Variants in PDGFC observed in about 807,000 individuals in gnomAD.
PDGFC encodes platelet-derived growth factor C.
PDGFC carries 12 observed loss-of-function variants against 35.5 expected under a neutral mutation model. That is an observed-to-expected ratio of 0.34 (90% CI 0.22 to 0.55). PDGFC has a LOEUF of 0.55. Ranked by LOEUF, PDGFC falls within the 20% of genes least tolerant of loss-of-function variation. The probability of loss-of-function intolerance (pLI) is 0.91; values close to 1 mark genes in which losing one functional copy is unlikely to be tolerated. For synonymous variants in PDGFC, 159 were observed against 148.8 expected (o/e 1.07, Z -0.50); for missense variants, 322 against 412.4 (o/e 0.78, Z 1.90).
rs76215103 is a variant in PDGFC at position 156,776,158 on chromosome 4, A to G, written c.496-3265T>C. Among the ~76,000 whole-genome samples, 1,044 of 152,348 alleles carry G rather than the reference A, an allele frequency of 6.9e-3. 15 individuals are homozygous for G. Among genetic ancestry groups the G allele is most frequent in the African/African-American group, 0.024 (1,005 of 41,594 alleles). ...AAATGTCTTTGAATTTTTAAGTTTT[A>G]CTTTTCTCTCTAACAAAGTAACACT... On this transcript the variant is annotated intron_variant, in intron 3 of 5. Coordinates refer to ENST00000502773, the MANE Select transcript of PDGFC (RefSeq NM_016205.3).
At chr4:156,956,370 C>T (rs1343096875) in intron 1 of PDGFC, among the ~76,000 whole-genome samples, 3 of 151,988 alleles carry the variant, frequency 2.0e-5, no homozygotes, top group African/African-American at 7.2e-5. Flanking sequence ...GGTTAAAATG[C>T]AAACTTTTAG....
At chr4:156,772,217 C>T (rs1337768300) in intron 4 of PDGFC, among the ~76,000 whole-genome samples, 1 of 152,024 alleles carries the variant, frequency 6.6e-6, no homozygotes, top group Non-Finnish European at 1.5e-5. Flanking sequence ...TTAGAATTGT[C>T]TAGGCTTAGA....
chr4:156,847,481 A>C (rs1264906552), intron 2 of PDGFC, among the ~76,000 whole-genome samples: 1 of 151,868 alleles, frequency 6.6e-6, no homozygotes, highest in Non-Finnish European at 1.5e-5. Context: ...AAAGAGAAAC[A>C]GTCAGAGATT....
intron 2 of PDGFC, among the ~76,000 whole-genome samples, chr4:156,832,253 CTTTTTT>C (rs542396769): frequency 8.3e-6 from 1 of 121,134 alleles, no homozygotes; most frequent in African/African-American, 3.2e-5. Flanking sequence ...TTCTTTCTTT[CTTTTTT>C]TTTTTTTTTT....
At chr4:156,905,823 G>A (rs1226878205) in intron 1 of PDGFC, among the ~76,000 whole-genome samples, 2 of 151,802 alleles carry the variant, frequency 1.3e-5, no homozygotes, top group Non-Finnish European at 2.9e-5. Flanking sequence ...ACATCTACAC[G>A]CAAGACCTAC....
At chr4:156,935,352 A>G (rs903987180) in intron 1 of PDGFC, among the ~76,000 whole-genome samples, 1 of 152,228 alleles carries the variant, frequency 6.6e-6, no homozygotes, top group Admixed American at 6.5e-5. Context: ...AATAAATAGT[A>G]TAGCAAATAC....
intron 2 of PDGFC, among the ~76,000 whole-genome samples, chr4:156,837,652 A>G (rs762120309): frequency 6.6e-6 from 1 of 152,160 alleles, no homozygotes; most frequent in Non-Finnish European, 1.5e-5. Context: ...TAGAGCATAA[A>G]CTCTTCTAAT....
chr4:156,856,230 A>G (rs992336031), intron 1 of PDGFC, among the ~76,000 whole-genome samples: 1 of 152,200 alleles, frequency 6.6e-6, no homozygotes, highest in Admixed American at 6.5e-5. Context: ...TGCTATATTC[A>G]GTAAACCACG....
At chr4:156,878,310 C>T (rs149992207) in intron 1 of PDGFC, among the ~76,000 whole-genome samples, 148 of 152,158 alleles carry the variant, frequency 9.7e-4, no homozygotes, top group African/African-American at 3.4e-3. Context: ...GTCACCAGAT[C>T]CAATCATTCC....
chr4:156,828,605 T>C (rs1473151588), intron 2 of PDGFC, among the ~76,000 whole-genome samples: 1 of 152,174 alleles, frequency 6.6e-6, no homozygotes, highest in East Asian at 1.9e-4. Flanking sequence ...TATACATATG[T>C]ATATATGTAA....
intron 1 of PDGFC, among the ~76,000 whole-genome samples, chr4:156,932,770 T>G (rs1185082327): frequency 1.5e-5 from 2 of 136,584 alleles, no homozygotes; most frequent in Non-Finnish European, 3.2e-5. Context: ...GGGGGAGGGA[T>G]AGCATTAGGA....
intron 1 of PDGFC, among the ~76,000 whole-genome samples, chr4:156,853,632 T>C (rs1729505098): frequency 6.6e-6 from 1 of 152,124 alleles, no homozygotes; most frequent in African/African-American, 2.4e-5. Context: ...ACTATAAAGT[T>C]AGATGAATTC....
At chr4:156,896,713 T>A (rs925312469) in intron 1 of PDGFC, among the ~76,000 whole-genome samples, 1 of 152,164 alleles carries the variant, frequency 6.6e-6, no homozygotes, top group African/African-American at 2.4e-5. Flanking sequence ...ACTGTGTTAT[T>A]TGAACAGCAA....
At position 156,761,470 on chromosome 4, in the gene PDGFC, A is replaced by G. The variant is rs1474628747; in HGVS notation, c.*1620T>C. ...ATTGCTCAAAGGCATTGGAAACAAG[A>G]GGCAGAGAAGGCTCACAGGTATCTT... On this transcript the variant is annotated 3_prime_UTR_variant, in exon 6 of 6. Coordinates refer to ENST00000502773, the MANE Select transcript of PDGFC (RefSeq NM_016205.3). 6.6e-6 allele frequency: 1 copy of G among 152,208 alleles called. No homozygotes were observed. The highest frequency in any genetic ancestry group is 6.5e-5 in the Admixed American group (1 of 15,282). The allele number at this position is 152,208 out of a possible 1,614,324, so 9.4% of individuals were successfully genotyped here. A position where few individuals can be genotyped will look rare whatever the true frequency, so the allele number is the denominator to read the frequency against.
At chr4:156,842,585 A>C (rs1729232085) in intron 2 of PDGFC, among the ~76,000 whole-genome samples, 1 of 151,938 alleles carries the variant, frequency 6.6e-6, no homozygotes, top group Non-Finnish European at 1.5e-5. Flanking sequence ...CTGCAACAAA[A>C]CCATTTCTTC....
At chr4:156,872,559 T>C (rs904295022) in intron 1 of PDGFC, among the ~76,000 whole-genome samples, 1 of 152,182 alleles carries the variant, frequency 6.6e-6, no homozygotes, top group African/African-American at 2.4e-5. Flanking sequence ...TCACACACTT[T>C]GCAACTTAAG....
At chr4:156,834,645 G>C (rs531876365) in intron 2 of PDGFC, among the ~76,000 whole-genome samples, 1 of 152,042 alleles carries the variant, frequency 6.6e-6, no homozygotes, top group South Asian at 2.1e-4. Flanking sequence ...TGCCATATGG[G>C]GAGACGATCT....
chr4:156,847,892 A>G (rs1729363858), intron 2 of PDGFC, among the ~76,000 whole-genome samples: 1 of 151,746 alleles, frequency 6.6e-6, no homozygotes, highest in African/African-American at 2.4e-5. Flanking sequence ...CCAAAGTAAC[A>G]GAAGAAACAG....
intron 1 of PDGFC, among the ~76,000 whole-genome samples, chr4:156,880,898 G>A (rs1447049646): frequency 6.6e-6 from 1 of 152,186 alleles, no homozygotes; most frequent in Non-Finnish European, 1.5e-5. Context: ...TCTGGAGATG[G>A]AATCTGCTCC....
Sources: allele counts gnomAD v4.1 joint callset (sites outside exome capture counted in the v4.1 genomes callset), GRCh38; gene constraint gnomAD v4.1.1; transcripts MANE v1.5; gene names NCBI Gene and HGNC (gene_info 2026-07-23, HGNC 2026-07-21).